Variants in ACKR2 observed in about 807,000 individuals in gnomAD.
ACKR2 encodes the protein C-C chemokine receptor D6.
For missense variants in ACKR2, 457 were observed against 477.3 expected (o/e 0.96, Z 0.40); for synonymous variants, 207 against 192.2 (o/e 1.08, Z -0.64).
chr3:42,864,509 G>C lies in ACKR2; in HGVS notation c.7G>C (p.Ala3Pro). MA[A>P]TASPQPLATE... ...CTGGGCATTTCCTTCCAACATGGCCGCCACTGCCTCTCCGCAGCCACTCGC... is the reference window on the plus strand; with the variant it reads ...CTGGGCATTTCCTTCCAACATGGCCCCCACTGCCTCTCCGCAGCCACTCGC... The change falls in exon 3 of 3, where the codon GCC (alanine) becomes CCC (proline). Residue 3 changes from alanine (A) to proline (P), a missense_variant. By Grantham distance (27) the Ala-to-Pro change is conservative. Transcript: ENST00000422265. 6.3e-7 allele frequency: 1 copy of C among 1,595,584 alleles called. No individual in the cohort carries two copies. The highest frequency in any genetic ancestry group is 8.6e-7 in the Non-Finnish European group (1 of 1,169,398).
chr3:42,815,122 G>A (rs987210166), intron 1 of ACKR2, among the ~76,000 whole-genome samples: 2 of 152,208 alleles, frequency 1.3e-5, no homozygotes, highest in Admixed American at 6.5e-5. Context: ...TCTATTAGGT[G>A]CCGCCTGAAG....
intron 1 of ACKR2, 45 bp from the exon 2 acceptor site, chr3:42,819,586 C>G (rs563038623): frequency 6.6e-6 from 1 of 152,492 alleles, no homozygotes; most frequent in East Asian, 1.9e-4. Flanking sequence ...TACAACCCCC[C>G]TGGCGGCAGA....
intron 2 of ACKR2, among the ~76,000 whole-genome samples, chr3:42,828,101 T>TTTC (rs1700890892): frequency 5.5e-5 from 8 of 144,654 alleles, no homozygotes; most frequent in East Asian, 4.3e-4. Context: ...TATTTTTTTT[T>TTTC]TTTTCTTTTC....
At chr3:42,857,630 A>T (rs895191315) in intron 2 of ACKR2, among the ~76,000 whole-genome samples, 1 of 152,262 alleles carries the variant, frequency 6.6e-6, no homozygotes, top group Non-Finnish European at 1.5e-5. Context: ...CATCAACATG[A>T]TGGATCACAC....
intron 2 of ACKR2, among the ~76,000 whole-genome samples, chr3:42,828,090 A>ATTTTTTTTTTT (rs200255129): frequency 5.4e-5 from 5 of 91,872 alleles, no homozygotes; most frequent in African/African-American, 1.3e-4. Flanking sequence ...ATATATATAT[A>ATTTTTTTTTTT]TATTTTTTTT....
intron 2 of ACKR2, among the ~76,000 whole-genome samples, chr3:42,838,286 T>C (rs1448199645): frequency 1.3e-5 from 2 of 152,192 alleles, no homozygotes; most frequent in Non-Finnish European, 2.9e-5. Context: ...TTGCAAATCA[T>C]ATATCTGATA....
intron 2 of ACKR2, among the ~76,000 whole-genome samples, chr3:42,830,817 G>T (rs1700924294): frequency 6.6e-6 from 1 of 151,720 alleles, no homozygotes; most frequent in Non-Finnish European, 1.5e-5. Flanking sequence ...TCAAAATCAG[G>T]TGCATTCTAT....
intron 1 of ACKR2, among the ~76,000 whole-genome samples, chr3:42,819,152 A>G (rs1383169430): frequency 1.3e-5 from 2 of 152,108 alleles, no homozygotes; most frequent in African/African-American, 2.4e-5. Context: ...TCTTGCATAT[A>G]TTTTGTTATT....
At chr3:42,857,183 T>C (rs1318694868) in intron 2 of ACKR2, among the ~76,000 whole-genome samples, 1 of 152,104 alleles carries the variant, frequency 6.6e-6, no homozygotes, top group African/African-American at 2.4e-5. Flanking sequence ...TATATATGTT[T>C]TGTTTCATTT....
At chr3:42,834,336 A>G (rs1700964315) in intron 2 of ACKR2, among the ~76,000 whole-genome samples, 1 of 152,178 alleles carries the variant, frequency 6.6e-6, no homozygotes, top group East Asian at 1.9e-4. Flanking sequence ...TTGGGTGTCC[A>G]TATAAGACGA....
At chr3:42,817,361 A>G in intron 1 of ACKR2, among the ~76,000 whole-genome samples, 1 of 152,054 alleles carries the variant, frequency 6.6e-6, no homozygotes, top group Admixed American at 6.6e-5. Flanking sequence ...TTCCCCTGAT[A>G]TCCCCACTAA....
chr3:42,861,048 C>G (rs1368014581), intron 2 of ACKR2, among the ~76,000 whole-genome samples: 4 of 151,990 alleles, frequency 2.6e-5, no homozygotes, highest in Non-Finnish European at 5.9e-5. Context: ...GATGAAAAAC[C>G]CTTCAAAAAA....
chr3:42,818,719 A>G (rs1281207864), intron 1 of ACKR2, among the ~76,000 whole-genome samples: 1 of 151,982 alleles, frequency 6.6e-6, no homozygotes, highest in Non-Finnish European at 1.5e-5. Context: ...GTGCCACCAC[A>G]CCCAGCTAAT....
At chr3:42,825,988 G>A (rs574691688) in intron 2 of ACKR2, among the ~76,000 whole-genome samples, 1 of 150,964 alleles carries the variant, frequency 6.6e-6, no homozygotes, top group African/African-American at 2.4e-5. Flanking sequence ...CATCTGTTAA[G>A]GTGATCATGT....
intron 2 of ACKR2, among the ~76,000 whole-genome samples, chr3:42,832,012 A>T (rs1288797554): frequency 1.3e-5 from 2 of 152,224 alleles, no homozygotes; most frequent in African/African-American, 2.4e-5. Context: ...TGTACTTAGA[A>T]TTGGTATTAA....
intron 2 of ACKR2, among the ~76,000 whole-genome samples, chr3:42,829,536 A>G (rs1700907301): frequency 6.6e-6 from 1 of 152,126 alleles, no homozygotes; most frequent in African/African-American, 2.4e-5. Flanking sequence ...TCTGCTGCTC[A>G]TTCTTGTCAC....
At chr3:42,844,691 CCA>C (rs2125615321) in intron 2 of ACKR2, among the ~76,000 whole-genome samples, 1 of 152,222 alleles carries the variant, frequency 6.6e-6, no homozygotes, top group South Asian at 2.1e-4. Context: ...GCACCTCTGG[CCA>C]CACACTCATG....
At chr3:42,818,593 AC>A (rs1486353464) in intron 1 of ACKR2, among the ~76,000 whole-genome samples, 1 of 152,082 alleles carries the variant, frequency 6.6e-6, no homozygotes, top group African/African-American at 2.4e-5. Flanking sequence ...ACGGAGTCTC[AC>A]TCTGTCACCC....
intron 2 of ACKR2, among the ~76,000 whole-genome samples, chr3:42,833,014 C>A (rs1700946904): frequency 6.6e-6 from 1 of 152,184 alleles, no homozygotes; most frequent in African/African-American, 2.4e-5. Flanking sequence ...CAGGCATGTG[C>A]CACCACACCC....
Sources: allele counts gnomAD v4.1 joint callset (sites outside exome capture counted in the v4.1 genomes callset), GRCh38; gene constraint gnomAD v4.1.1; transcripts MANE v1.5; gene names NCBI Gene and HGNC (gene_info 2026-07-23, HGNC 2026-07-21).